Variants in ACOT9 observed in about 807,000 individuals in gnomAD.
The protein encoded by ACOT9 is acyl-CoA thioesterase 9, also known as acyl-coenzyme A thioesterase 9, mitochondrial.
In ACOT9, 34 loss-of-function variants were observed where a neutral mutation model predicts 39.7. The ratio of observed to expected loss-of-function variants is 0.86; its 90% CI spans 0.65 to 1.14. The LOEUF (loss-of-function observed/expected upper bound fraction) is 1.14. Among genes scored for constraint, ACOT9 ranks in the 50% most tolerant of loss-of-function variants. The pLI, the probability that ACOT9 is intolerant of heterozygous loss-of-function variation, is 0.00. For synonymous variants in ACOT9, 110 were observed against 120.5 expected (o/e 0.91, Z 0.57); for missense variants, 313 against 344.1 (o/e 0.91, Z 0.71).
At chrX:23,726,706 A>G (rs1929537571) in intron 6 of ACOT9, among the ~76,000 whole-genome samples, 1 of 107,163 alleles carries the variant, frequency 9.3e-6, no homozygotes, top group Non-Finnish European at 1.9e-5. Context: ...TCACTCTGTC[A>G]CCCAGGCTGG....
At chrX:23,739,621 G>A (rs755702120) in intron 1 of ACOT9, among the ~76,000 whole-genome samples, 1 of 110,911 alleles carries the variant, frequency 9.0e-6, no homozygotes, top group East Asian at 2.8e-4. Flanking sequence ...GGGAGATCCC[G>A]TTTCTACAAA....
At chrX:23,705,718 TATC>T in intron 12 of ACOT9, 47 bp downstream of exon 12, 2 of 1,144,374 alleles carry the variant, frequency 1.7e-6, no homozygotes, top group South Asian at 1.8e-5. Flanking sequence ...CTTGGACAAA[TATC>T]ATGAACGGAA....
At chrX:23,717,907 G>T (rs1929139307) in intron 8 of ACOT9, among the ~76,000 whole-genome samples, 1 of 111,095 alleles carries the variant, frequency 9.0e-6, no homozygotes, top group Admixed American at 9.7e-5. Context: ...GGCCAAGATG[G>T]TGAAACCCGG....
Position 23,705,089 on chromosome X carries a change from G to T in ACOT9, c.1020-9C>A. 8.3e-7 allele frequency: 1 copy of T among 1,202,440 alleles called. No individual in the cohort carries two copies. The highest frequency in any genetic ancestry group is 1.1e-6 in the Non-Finnish European group (1 of 889,295). On this transcript the variant is annotated splice_polypyrimidine_tract_variant and intron_variant, in intron 13 of 15. Coordinates refer to ENST00000379303, the MANE Select transcript of ACOT9 (RefSeq NM_001037171.2). The stretch of plus-strand genomic sequence containing the variant: ...CAAACGGTCGAGAACCACTGTTGGG[G>T]GAAAGGACAGAATTTGGGGTATATT...
At position 23,734,075 on chromosome X, in the gene ACOT9, T is replaced by C. The variant is rs116312402; in HGVS notation, c.145+266A>G. On this transcript the variant is annotated intron_variant, in intron 3 of 15. Coordinates refer to ENST00000379303, the MANE Select transcript of ACOT9 (RefSeq NM_001037171.2). ...TGCGCCTGGCCCCCACCTATCTTCT[T>C]ATACGCAGTAATAGATCAAATTACT... Among the ~76,000 whole-genome samples the C allele has an allele frequency of 2.2e-3, 248 of 112,118 alleles. 1 individual carries two copies. The highest frequency in any genetic ancestry group is 9.2e-3 in the Middle Eastern group (2 of 218).
intron 6 of ACOT9, among the ~76,000 whole-genome samples, chrX:23,724,202 T>C (rs1255724469): frequency 9.1e-6 from 1 of 110,413 alleles, no homozygotes; most frequent in Non-Finnish European, 1.9e-5. Flanking sequence ...GTCAAGACTG[T>C]AGTTAGCCAT....
At chrX:23,713,103 A>C in intron 9 of ACOT9, 32 bp downstream of exon 9, 1 of 1,138,744 alleles carries the variant, frequency 8.8e-7, no homozygotes, top group East Asian at 3.0e-5. Flanking sequence ...GAAATTCTTC[A>C]AAATAAAGAA....
chrX:23,728,923 G>A (rs944270467), intron 6 of ACOT9, among the ~76,000 whole-genome samples: 1 of 110,824 alleles, frequency 9.0e-6, no homozygotes, highest in African/African-American at 3.3e-5. Flanking sequence ...TAGCCTGAAG[G>A]GACTGGGACA....
intron 1 of ACOT9, among the ~76,000 whole-genome samples, chrX:23,740,917 C>G (rs750108641): frequency 9.1e-5 from 10 of 109,747 alleles, no homozygotes; most frequent in African/African-American, 3.3e-4. Context: ...TTGCAACACT[C>G]AAATCCCAGG....
At chrX:23,739,126 C>T (rs747532922) in intron 1 of ACOT9, among the ~76,000 whole-genome samples, 4 of 111,086 alleles carry the variant, frequency 3.6e-5, no homozygotes, top group Non-Finnish European at 7.6e-5. Flanking sequence ...GGCATGCTGG[C>T]GGGCACCTGC....
chrX:23,708,013 A>G (rs773393970), intron 9 of ACOT9, 69 bp from the exon 10 acceptor site: 3 of 901,190 alleles, frequency 3.3e-6, no homozygotes, highest in East Asian at 6.7e-5. Context: ...AAGATGAACA[A>G]TCACCTACTA....
chrX:23,722,796 T>G, intron 6 of ACOT9, 43 bp from the exon 7 acceptor site: 4 of 912,276 alleles, frequency 4.4e-6, no homozygotes. Context: ...AAAGGCAGAA[T>G]TATTTCCCAA....
At position 23,738,385 on chromosome X, in the gene ACOT9, G is replaced by A. The variant is rs1016456866; in HGVS notation, c.21-2369C>T. 3.7e-5 allele frequency among the ~76,000 whole-genome samples: 4 copies of A among 107,395 alleles called. No homozygotes were observed. In the Admixed American group the frequency reaches 4.0e-4, roughly 11 times the overall value. The allele number at this position is 107,395 out of a possible 115,157, so 93.3% of individuals were successfully genotyped here. On this transcript the variant is annotated intron_variant, in intron 1 of 15. Transcript: ENST00000379303. ...ACACTTTGGGAGGCTGAGGTGGGTA[G>A]ATCACCTGAGGTCAGGAGTCCGAGA...
At chrX:23,732,975 ATCT>A (rs1167384548) in intron 4 of ACOT9, among the ~76,000 whole-genome samples, 194 bp downstream of exon 4, 1 of 112,034 alleles carries the variant, frequency 8.9e-6, no homozygotes, top group African/African-American at 3.2e-5. Flanking sequence ...TACGTAAATC[ATCT>A]TCTTTCATGA....
chrX:23,731,474 CAAAAAA>C (rs59649997), intron 4 of ACOT9, among the ~76,000 whole-genome samples: 6 of 68,756 alleles, frequency 8.7e-5, no homozygotes, highest in Admixed American at 1.7e-4. Flanking sequence ...AAGACTGTCT[CAAAAAA>C]AAAAAAAAAA....
intron 1 of ACOT9, among the ~76,000 whole-genome samples, chrX:23,741,735 C>T (rs1450047684): frequency 9.0e-6 from 1 of 111,563 alleles, no homozygotes; most frequent in African/African-American, 3.3e-5. Context: ...AGTGCAGGGG[C>T]GCGATCTCAG....
Position 23,734,053 on chromosome X carries a change from G to A in ACOT9, c.145+288C>T, listed in dbSNP as rs757380702. Among the ~76,000 whole-genome samples, 6 of 111,757 alleles carry A rather than the reference G, an allele frequency of 5.4e-5. No homozygotes were observed. The highest frequency in any genetic ancestry group is 5.6e-4 in the East Asian group (2 of 3,568). On this transcript the variant is annotated intron_variant, in intron 3 of 15. Transcript: ENST00000379303. The stretch of plus-strand genomic sequence containing the variant: ...TGGGATTACAGGTGTGAGCCACTGC[G>A]CCTGGCCCCCACCTATCTTCTTATA...
At chrX:23,731,079 G>T in intron 4 of ACOT9, 93 bp from the exon 5 acceptor site, 1 of 748,071 alleles carries the variant, frequency 1.3e-6, no homozygotes. Context: ...ATCAAAGGAG[G>T]AAAAAGAAGG....
chrX:23,732,891 A>C (rs1929806992), intron 4 of ACOT9, among the ~76,000 whole-genome samples: 1 of 112,138 alleles, frequency 8.9e-6, no homozygotes, highest in South Asian at 3.6e-4. Context: ...CATATGTCGT[A>C]AGCACGTCAC....
Sources: allele counts gnomAD v4.1 joint callset (sites outside exome capture counted in the v4.1 genomes callset), GRCh38; gene constraint gnomAD v4.1.1; transcripts MANE v1.5; gene names NCBI Gene and HGNC (gene_info 2026-07-23, HGNC 2026-07-21).